NHLRC2: variants seen among roughly 807,000 people sequenced by gnomAD.
NHLRC2 encodes NHL repeat containing 2.
Under a neutral mutation model 68.1 loss-of-function variants are expected in NHLRC2, and 33 were observed. The observed-to-expected ratio is 0.48, with a 90% confidence interval of 0.37 to 0.65. The LOEUF (loss-of-function observed/expected upper bound fraction) is 0.65, where lower values mean the gene tolerates loss of function less well. NHLRC2 is among the 30% of genes least tolerant of loss of function. The probability of loss-of-function intolerance (pLI) is 0.00; values close to 1 mark genes in which losing one functional copy is unlikely to be tolerated. For synonymous variants in NHLRC2, 311 were observed against 309.6 expected (o/e 1.00, Z -0.05); for missense variants, 761 against 853.8 (o/e 0.89, Z 1.35).
intron 4 of NHLRC2, among the ~76,000 whole-genome samples, chr10:113,880,497 G>A (rs1401579322): frequency 2.0e-5 from 3 of 151,832 alleles, no homozygotes; most frequent in Non-Finnish European, 2.9e-5. Context: ...CATGTGTTTG[G>A]AAAATAAGTA....
At chr10:113,897,826 C>T (rs1385386637) in intron 5 of NHLRC2, among the ~76,000 whole-genome samples, 2 of 152,204 alleles carry the variant, frequency 1.3e-5, no homozygotes, top group Non-Finnish European at 2.9e-5. Context: ...AATTAACAAA[C>T]TGCTGAGGCA....
intron 1 of NHLRC2, among the ~76,000 whole-genome samples, chr10:113,856,100 A>T (rs571855281): frequency 1.3e-5 from 2 of 152,340 alleles, no homozygotes; most frequent in Non-Finnish European, 2.9e-5. Context: ...CAGGGTTTAA[A>T]TCCTGGCCAT....
In NHLRC2 at chr10:113,902,431, A is replaced by G. The variant is rs376337475; in HGVS notation, c.1372-40A>G. 1.9e-5 allele frequency: 25 copies of G among 1,338,442 alleles called. No homozygotes were observed. The African/African-American group carries it at 3.6e-4, about 19-fold the overall frequency. The allele number at this position is 1,338,442 out of a possible 1,614,324, so 82.9% of individuals were successfully genotyped here. A position where few individuals can be genotyped will look rare whatever the true frequency, so the allele number is the denominator to read the frequency against. ...ATTCTAACAAAACACTGTAAAAATT[A>G]TAATAACTGCTGTTTCTTTTCTTTT... is the stretch of plus-strand genomic sequence containing the variant. On this transcript the variant is annotated intron_variant, in intron 7 of 10. Coordinates refer to ENST00000369301, the MANE Select transcript of NHLRC2 (RefSeq NM_198514.4).
chr10:113,897,011 T>A (rs904908210), intron 5 of NHLRC2, among the ~76,000 whole-genome samples: 4 of 149,956 alleles, frequency 2.7e-5, no homozygotes, highest in East Asian at 2.0e-4. Context: ...AAAAAAAAAA[T>A]TTTGAACCAA....
rs1292965763 is a variant in NHLRC2, at chr10:113,909,171, A to C, written c.*635A>C. On this transcript the variant is annotated 3_prime_UTR_variant, in exon 11 of 11. Coordinates refer to ENST00000369301, the MANE Select transcript of NHLRC2 (RefSeq NM_198514.4). ...TATTATAAATTATTTGTTATTTAAC[A>C]TACCATTATGAATGCCTTAAAACTT... is the stretch of plus-strand genomic sequence containing the variant. 1 of 152,280 alleles carries C rather than the reference A, an allele frequency of 6.6e-6. No individual in the cohort carries two copies. The allele number at this position is 152,280 out of a possible 1,614,324, so 9.4% of individuals were successfully genotyped here. A position where few individuals can be genotyped will look rare whatever the true frequency, so the allele number is the denominator to read the frequency against.
At position 113,913,461 on chromosome 10, in the gene NHLRC2, T is replaced by C. The variant is rs1037317322; in HGVS notation, c.*4925T>C. 2 of 152,224 alleles carry C rather than the reference T, an allele frequency of 1.3e-5. No homozygotes were observed. Among genetic ancestry groups the C allele is most frequent in the Admixed American group, 1.3e-4 (2 of 15,284 alleles). The allele number at this position is 152,224 out of a possible 1,614,324, so 9.4% of individuals were successfully genotyped here. ...TACTACTTTTTCTTAATTTCAGATA[T>C]TATCCAGAGTTTTTCTTGGCAGATG... On this transcript the variant is annotated 3_prime_UTR_variant, in exon 11 of 11. Transcript: ENST00000369301.
intron 4 of NHLRC2, among the ~76,000 whole-genome samples, chr10:113,882,124 A>G (rs574230111): frequency 6.6e-6 from 1 of 151,734 alleles, no homozygotes; most frequent in African/African-American, 2.4e-5. Context: ...TATTTTGTAT[A>G]TTTTGTTATT....
intron 10 of NHLRC2, among the ~76,000 whole-genome samples, chr10:113,906,489 T>G (rs1846275619): frequency 6.6e-6 from 1 of 152,034 alleles, no homozygotes; most frequent in Admixed American, 6.5e-5. Flanking sequence ...TTTAGCCAAA[T>G]TTTGGTCTGT....
At position 113,909,671 on chromosome 10, in the gene NHLRC2, TAA is replaced by T. The variant is rs542211398; in HGVS notation, c.*1141_*1142del. 3.9e-5 allele frequency: 6 copies of T among 152,052 alleles called. No individual in the cohort carries two copies. The highest frequency in any genetic ancestry group is 8.8e-5 in the Non-Finnish European group (6 of 67,956). The allele number at this position is 152,052 out of a possible 1,614,324, so 9.4% of individuals were successfully genotyped here. ...TTTAATTTTTGTTGTTTTTTATCCC[TAA>T]AAAAAGATATTGGAAAGGTTTTTTT... On this transcript the variant is annotated 3_prime_UTR_variant, in exon 11 of 11. Coordinates refer to ENST00000369301, the MANE Select transcript of NHLRC2 (RefSeq NM_198514.4).
Position 113,908,417 on chromosome 10 carries a change from T to C in NHLRC2, c.2062T>C (p.Tyr688His), listed in dbSNP as rs1165541280. The C allele has an allele frequency of 1.8e-5, 29 of 1,614,010 alleles. No homozygotes were observed. The highest frequency in any genetic ancestry group is 3.3e-4 in the Middle Eastern group (2 of 6,084). Reference protein sequence around the residue: ...AIVSVSVFLYYCSADSSACMM... With the variant: ...AIVSVSVFLYHCSADSSACMM... The stretch of plus-strand genomic sequence containing the variant: ...TGTATCTGTCAGTGTGTTTCTTTAT[T>C]ACTGTAGTGCAGACAGCAGTGCTTG... The change falls in exon 11 of 11, where the codon TAC (tyrosine) becomes CAC (histidine). Residue 688 changes from tyrosine (Y) to histidine (H), a missense_variant. By Grantham distance (83) the Tyr-to-His change is moderately conservative. Coordinates refer to ENST00000369301, the MANE Select transcript of NHLRC2 (RefSeq NM_198514.4).
chr10:113,896,671 A>G, intron 5 of NHLRC2, among the ~76,000 whole-genome samples: 1 of 151,962 alleles, frequency 6.6e-6, no homozygotes, highest in Middle Eastern at 3.4e-3. Flanking sequence ...TGTAATAATA[A>G]TAAATAAATA....
Position 113,903,612 on chromosome 10 carries a change from C to A in NHLRC2, c.1580C>A (p.Thr527Lys). ...DTNNVTSSSF[T>K]ESTFNEPGGL... The stretch of plus-strand genomic sequence containing the variant: ...AATAATGTTACCAGTTCCAGTTTTA[C>A]AGAGTCAACTTTTAATGAACCAGGA... Residue 527 changes from threonine (T) to lysine (K), a missense_variant, in exon 9 of 11, where the codon ACA (threonine) becomes AAA (lysine). Coordinates refer to ENST00000369301, the MANE Select transcript of NHLRC2 (RefSeq NM_198514.4). 1.9e-6 allele frequency: 3 copies of A among 1,610,968 alleles called. No individual in the cohort carries two copies. The South Asian group carries it at 3.3e-5, about 18-fold the overall frequency.
chr10:113,871,357 T>G (rs1160100734), intron 2 of NHLRC2, among the ~76,000 whole-genome samples: 2 of 152,282 alleles, frequency 1.3e-5, no homozygotes, highest in Admixed American at 1.3e-4. Context: ...AGTTTTATAA[T>G]TGAGTCTCTG....
Position 113,901,649 on chromosome 10 carries a change from G to C in NHLRC2, c.1140-17G>C. ...TATACCACATGTTGACTCCACCTAT[G>C]AACTTGTCTTTTTCAGTGAGTTAAC... On this transcript the variant is annotated splice_polypyrimidine_tract_variant and intron_variant, in intron 6 of 10. Coordinates refer to ENST00000369301, the MANE Select transcript of NHLRC2 (RefSeq NM_198514.4). 1 of 1,536,724 alleles carries C rather than the reference G, an allele frequency of 6.5e-7. No homozygotes were observed. The highest frequency in any genetic ancestry group is 9.0e-7 in the Non-Finnish European group (1 of 1,109,612).
chr10:113,889,017 G>A (rs911262020), intron 5 of NHLRC2, among the ~76,000 whole-genome samples: 2 of 151,850 alleles, frequency 1.3e-5, no homozygotes, highest in Admixed American at 6.6e-5. Context: ...AGTAGAGATG[G>A]GGTTTCACCA....
Position 113,855,068 on chromosome 10 carries a change from G to T in NHLRC2, c.178+18G>T. 2 of 1,548,688 alleles carry T rather than the reference G, an allele frequency of 1.3e-6. No homozygotes were observed. Among genetic ancestry groups the T allele is most frequent in the Non-Finnish European group, 1.7e-6 (2 of 1,144,966 alleles). On this transcript the variant is annotated intron_variant, in intron 1 of 10. Transcript: ENST00000369301. ...TCCGGAAGGTGAGGGGCTGGCGTCG[G>T]GGTGGGGGCCCCTCCCGGCACCTCC...
intron 7 of NHLRC2, 57 bp downstream of exon 7, chr10:113,901,954 G>A (rs1309993303): frequency 8.3e-7 from 1 of 1,198,286 alleles, no homozygotes; most frequent in Non-Finnish European, 1.2e-6. Context: ...TGTCAATTTT[G>A]TGAATTATGG....
At chr10:113,883,186 A>G (rs1846051130) in intron 4 of NHLRC2, among the ~76,000 whole-genome samples, 2 of 151,878 alleles carry the variant, frequency 1.3e-5, no homozygotes, top group Non-Finnish European at 3.0e-5. Context: ...CAGCTTGTCC[A>G]TTTCTGCCAA....
intron 5 of NHLRC2, among the ~76,000 whole-genome samples, chr10:113,886,005 A>T (rs949817361): frequency 6.6e-6 from 1 of 152,074 alleles, no homozygotes; most frequent in Non-Finnish European, 1.5e-5. Flanking sequence ...TTATGACTCT[A>T]CCAAAAGACT....
Sources: gnomAD v4.1 joint callset for allele counts (sites outside exome capture counted in the v4.1 genomes callset) on GRCh38, gnomAD v4.1.1 for gene constraint, MANE v1.5 for transcripts, NCBI Gene and HGNC (gene_info 2026-07-23, HGNC 2026-07-21) for gene names.